Variants in RALYL observed in about 807,000 individuals in gnomAD.
The protein encoded by RALYL is RALY RNA binding protein like.
RALYL carries 29 observed loss-of-function variants against 35.1 expected under a neutral mutation model. The ratio of observed to expected loss-of-function variants is 0.83; its 90% confidence interval spans 0.61 to 1.13. The LOEUF (loss-of-function observed/expected upper bound fraction) is 1.13, where lower values mean the gene tolerates loss of function less well. RALYL is among the 50% of genes most tolerant of loss of function. RALYL has a pLI of 0.00. For missense variants in RALYL, 359 were observed against 360.4 expected (o/e 1.00, Z 0.03); for synonymous variants, 120 against 127.6 (o/e 0.94, Z 0.40).
At chr8:84,473,149 GCTGA>G (rs548931718) in intron 1 of RALYL, among the ~76,000 whole-genome samples, 2 of 151,948 alleles carry the variant, frequency 1.3e-5, no homozygotes, top group Non-Finnish European at 2.9e-5. Flanking sequence ...TATTTTTGAA[GCTGA>G]CTAAAATATT....
intron 1 of RALYL, among the ~76,000 whole-genome samples, chr8:84,363,476 C>A (rs951773026): frequency 6.6e-6 from 1 of 152,116 alleles, no homozygotes; most frequent in African/African-American, 2.4e-5. Flanking sequence ...ATAAACAGTG[C>A]ATATTTCTTT....
chr8:84,731,292 G>A (rs898495253), intron 2 of RALYL, among the ~76,000 whole-genome samples: 18 of 152,210 alleles, frequency 1.2e-4, no homozygotes, highest in African/African-American at 4.1e-4. Context: ...GGCCCTCCCT[G>A]TCTGTAACTG....
chr8:84,578,225 G>A (rs1216147546), intron 2 of RALYL, among the ~76,000 whole-genome samples: 1 of 152,256 alleles, frequency 6.6e-6, no homozygotes, highest in Non-Finnish European at 1.5e-5. Flanking sequence ...CTGAGTGCAA[G>A]CCTGCAGCTG....
intron 2 of RALYL, among the ~76,000 whole-genome samples, chr8:84,722,107 G>A (rs1285621529): frequency 6.6e-6 from 1 of 151,606 alleles, no homozygotes; most frequent in Non-Finnish European, 1.5e-5. Flanking sequence ...CTCAGCTTTG[G>A]CAAATTTCTA....
chr8:84,762,285 C>T (rs1235800509), intron 2 of RALYL, among the ~76,000 whole-genome samples: 3 of 152,112 alleles, frequency 2.0e-5, no homozygotes, highest in Non-Finnish European at 2.9e-5. Flanking sequence ...TTTATATTAG[C>T]TTGGCTTTGT....
chr8:84,545,987 C>T (rs540804588), intron 2 of RALYL, among the ~76,000 whole-genome samples: 6 of 152,190 alleles, frequency 3.9e-5, no homozygotes, highest in East Asian at 3.9e-4. Context: ...TGTGTTGCTC[C>T]TGATTTTGCA....
At chr8:84,751,488 G>A (rs1039895216) in intron 2 of RALYL, among the ~76,000 whole-genome samples, 7 of 152,032 alleles carry the variant, frequency 4.6e-5, no homozygotes, top group Admixed American at 2.0e-4. Flanking sequence ...GATTACAGGC[G>A]TGAACCACCA....
At chr8:84,415,623 A>G (rs2044614055) in intron 1 of RALYL, among the ~76,000 whole-genome samples, 1 of 152,178 alleles carries the variant, frequency 6.6e-6, no homozygotes, top group Non-Finnish European at 1.5e-5. Context: ...GGAATTATTA[A>G]ACTCCTCTGT....
chr8:84,905,715 G>A (rs74807158), intron 8 of RALYL, among the ~76,000 whole-genome samples: 1 of 69,912 alleles, frequency 1.4e-5, no homozygotes, highest in Non-Finnish European at 2.8e-5. Flanking sequence ...TTTTTTTTTT[G>A]AGACAGAGTC....
At chr8:84,836,897 T>C (rs1006889250) in intron 4 of RALYL, among the ~76,000 whole-genome samples, 3 of 152,210 alleles carry the variant, frequency 2.0e-5, no homozygotes, top group South Asian at 2.1e-4. Context: ...TTCTGAAGAA[T>C]AGCTGTGCCA....
chr8:84,313,864 C>A (rs78688908), intron 1 of RALYL, among the ~76,000 whole-genome samples: 4,122 of 152,252 alleles, frequency 0.027, 103 homozygotes, highest in Non-Finnish European at 0.031. Context: ...CTTCCTGTTA[C>A]CCATTTCCAC....
At chr8:84,317,161 T>G in intron 1 of RALYL, among the ~76,000 whole-genome samples, 1 of 152,332 alleles carries the variant, frequency 6.6e-6, no homozygotes, top group Admixed American at 6.5e-5. Context: ...TTATAATCCT[T>G]TGTTTCTAAA....
chr8:84,762,884 G>C (rs1282937406), intron 2 of RALYL, among the ~76,000 whole-genome samples: 2 of 152,086 alleles, frequency 1.3e-5, no homozygotes, highest in African/African-American at 2.4e-5. Context: ...GGAATAATTA[G>C]AAAAGCATTT....
chr8:84,335,106 G>C (rs941505491), intron 1 of RALYL, among the ~76,000 whole-genome samples: 1 of 152,146 alleles, frequency 6.6e-6, no homozygotes, highest in Non-Finnish European at 1.5e-5. Flanking sequence ...ACACATCACT[G>C]TTGTTGCAGT....
intron 4 of RALYL, among the ~76,000 whole-genome samples, chr8:84,838,489 C>A (rs901878713): frequency 6.6e-6 from 1 of 152,176 alleles, no homozygotes; most frequent in African/African-American, 2.4e-5. Context: ...ACTGCCATGA[C>A]ATTTCTGCTA....
intron 2 of RALYL, among the ~76,000 whole-genome samples, chr8:84,723,546 AC>A (rs1377279056): frequency 6.6e-6 from 1 of 151,956 alleles, no homozygotes; most frequent in Non-Finnish European, 1.5e-5. Flanking sequence ...TCGAAGCTAA[AC>A]TTTTGATTTC....
chr8:84,693,004 A>G (rs974680388), intron 2 of RALYL, among the ~76,000 whole-genome samples: 1 of 152,016 alleles, frequency 6.6e-6, no homozygotes, highest in Non-Finnish European at 1.5e-5. Context: ...CATAAATAAC[A>G]TAGCCCAACC....
In RALYL at chr8:84,756,423, A is replaced by G. The variant is rs558601092; in HGVS notation, c.257-18156A>G. Among the ~76,000 whole-genome samples, 7 of 152,272 alleles carry G rather than the reference A, an allele frequency of 4.6e-5. No homozygotes were observed. The East Asian group carries it at 9.7e-4, about 21-fold the overall frequency. ...CATAGCAGCCCCCACTCCGTGGCTAATGATAATGAAATCCTAGTCACAAGC... is the reference window on the plus strand; with the variant it reads ...CATAGCAGCCCCCACTCCGTGGCTAGTGATAATGAAATCCTAGTCACAAGC... On this transcript the variant is annotated intron_variant, in intron 2 of 8. Transcript: ENST00000521268.
At chr8:84,488,205 G>A (rs923763980) in intron 1 of RALYL, among the ~76,000 whole-genome samples, 1 of 151,946 alleles carries the variant, frequency 6.6e-6, no homozygotes, top group Non-Finnish European at 1.5e-5. Flanking sequence ...TCCCCCTTCA[G>A]CATAAGTTGT....
Sources: gnomAD v4.1 joint callset for allele counts (sites outside exome capture counted in the v4.1 genomes callset) on GRCh38, gnomAD v4.1.1 for gene constraint, MANE v1.5 for transcripts, NCBI Gene and HGNC (gene_info 2026-07-23, HGNC 2026-07-21) for gene names.